The following MARF1 variants were observed in gnomAD, a reference collection of about 807,000 sequenced individuals.
The protein encoded by MARF1 is limkain-b1.
In MARF1, 24 loss-of-function variants were observed where a neutral mutation model predicts 168.2. The ratio of observed to expected loss-of-function variants is 0.14; its 90% CI spans 0.10 to 0.20. MARF1 has a LOEUF of 0.20. Among genes scored for constraint, MARF1 ranks in the 10% least tolerant of loss-of-function variants. The pLI is 1.00. For missense variants in MARF1, 1,744 were observed against 2,143.6 expected, an observed-to-expected ratio of 0.81 and a Z score of 3.68; for synonymous variants, 868 against 822.4, an observed-to-expected ratio of 1.06 and a Z score of -0.95.
At chr16:15,610,951 T>C in intron 19 of MARF1, 24 bp downstream of exon 19, 1 of 1,609,330 alleles carries the variant, frequency 6.2e-7, no homozygotes, top group Non-Finnish European at 8.5e-7. Context: ...ACAATATCCT[T>C]CCAGCAAATG....
rs1286779437 is a variant in MARF1, at chr16:15,609,576, A to G, written c.3901T>C (p.Tyr1301His). 1 of 1,614,230 alleles carries G rather than the reference A, an allele frequency of 6.2e-7. No individual in the cohort carries two copies. ...HFGRQCKLAY[Y>H]GFTKLLELFE... ...AGTTCAAGTAGTTTGGTAAACCCAT[A>G]GTACGCAAGTTTGCACTGCCGGCCA... The change falls in exon 20 of 27, where the codon TAT becomes CAT. Residue 1301 changes from tyrosine (Y) to histidine (H), a missense_variant. Tyr to His is a moderately conservative substitution (Grantham distance 83). Around this residue, in one of 7 missense-constraint regions of MARF1, gnomAD observed 543 missense variants for 742.1 expected, o/e 0.73. Coordinates refer to ENST00000396368, the MANE Select transcript of MARF1 (RefSeq NM_014647.4).
At chr16:15,630,591 AGAAAG>A in intron 6 of MARF1, 87 bp from the exon 7 acceptor site, 1 of 1,230,482 alleles carries the variant, frequency 8.1e-7, no homozygotes, top group Non-Finnish European at 1.1e-6. Flanking sequence ...CCCACTGAGA[AGAAAG>A]GAAAGGCTGG....
chr16:15,598,611 C>G (rs889451475), intron 26 of MARF1, among the ~76,000 whole-genome samples: 2 of 152,026 alleles, frequency 1.3e-5, no homozygotes, highest in Admixed American at 6.5e-5. Context: ...CCCACAGCCC[C>G]GAGCCACCAG....
At chr16:15,608,703 C>G in intron 20 of MARF1, 185 bp from the exon 21 acceptor site, 1 of 601,482 alleles carries the variant, frequency 1.7e-6, no homozygotes, top group Non-Finnish European at 2.9e-6. Context: ...AATGTGCTGA[C>G]CACTACTGGA....
intron 16 of MARF1, among the ~76,000 whole-genome samples, chr16:15,613,938 G>A (rs901602100): frequency 1.3e-5 from 2 of 152,126 alleles, no homozygotes; most frequent in African/African-American, 4.8e-5. Flanking sequence ...GGACAAAGAG[G>A]AGGAAGTATG....
Position 15,641,778 on chromosome 16 carries a change from T to C in MARF1, c.-59+1240A>G, listed in dbSNP as rs530862471. Among the ~76,000 whole-genome samples, 3 of 152,340 alleles carry C rather than the reference T, an allele frequency of 2.0e-5. No individual in the cohort carries two copies. The South Asian group carries it at 6.2e-4, about 32-fold the overall frequency. ...ATTAGGCTTGTTCACCCCTTTCCAC[T>C]ACATCAAGGTGCCTTCAATACTGCT... is the stretch of plus-strand genomic sequence containing the variant. On this transcript the variant is annotated intron_variant, in intron 1 of 26. Coordinates refer to ENST00000396368, the MANE Select transcript of MARF1 (RefSeq NM_014647.4).
At position 15,611,600 on chromosome 16, in the gene MARF1, A is replaced by C; in HGVS notation, c.3609T>G (p.Ala1203=). The change falls in exon 18 of 27, where the codon GCT becomes GCG. Residue 1203 remains alanine, a synonymous_variant. Transcript: ENST00000396368. ...KQVIVREFSQ[A]YHWCFSKDWD... ...TCTTTTCATCAACTCACCAGTGATAAGCCTGTGAGAATTCTCTCACAATGA... is the reference window on the plus strand; with the variant it reads ...TCTTTTCATCAACTCACCAGTGATACGCCTGTGAGAATTCTCTCACAATGA... The C allele has an allele frequency of 6.2e-7, 1 of 1,613,966 alleles. No individual in the cohort carries two copies. The highest frequency in any genetic ancestry group is 1.3e-5 in the African/African-American group (1 of 75,032).
chr16:15,627,202 A>G (rs1362059779), intron 7 of MARF1, among the ~76,000 whole-genome samples: 1 of 151,734 alleles, frequency 6.6e-6, no homozygotes, highest in Non-Finnish European at 1.5e-5. Flanking sequence ...AAATTTTTAA[A>G]AATTGCCAGG....
Position 15,612,549 on chromosome 16 carries a change from C to T in MARF1, c.3474+8G>A, listed in dbSNP as rs746549889. ...CCTGTAAACAAGTAATCCCGTGACA[C>T]GCCTTACCTGCAATACATGAGGCAC... is the stretch of plus-strand genomic sequence containing the variant. On this transcript the variant is annotated splice_region_variant and intron_variant, in intron 17 of 26. Coordinates refer to ENST00000396368, the MANE Select transcript of MARF1 (RefSeq NM_014647.4). 1.1e-5 allele frequency: 18 copies of T among 1,609,700 alleles called. No individual in the cohort carries two copies. Among genetic ancestry groups the T allele is most frequent in the Middle Eastern group, 1.7e-4 (1 of 6,056 alleles).
rs375479252 is a variant in MARF1, at chr16:15,636,246, G to T, written c.241C>A (p.Pro81Thr). 53 of 1,614,054 alleles carry T rather than the reference G, an allele frequency of 3.3e-5. No homozygotes were observed. The highest frequency in any genetic ancestry group is 4.4e-5 in the Non-Finnish European group (52 of 1,180,010). Reference sequence around the variant, plus strand: ...GGCTGCTGAAGAGAACGAATATCAGGAAGTGGGACTGCTGGAAAAAGCTTA... The same window carrying T: ...GGCTGCTGAAGAGAACGAATATCAGTAAGTGGGACTGCTGGAAAAAGCTTA... ...GSKLFPAVPL[P>T]DIRSLQQPKI... is the part of the protein sequence containing the mutation. The change falls in exon 3 of 27, where the codon CCT becomes ACT. Residue 81 changes from proline to threonine, a missense_variant. Coordinates refer to ENST00000396368, the MANE Select transcript of MARF1 (RefSeq NM_014647.4).
At chr16:15,611,533 G>T in intron 18 of MARF1, 59 bp downstream of exon 18, 1 of 1,476,470 alleles carries the variant, frequency 6.8e-7, no homozygotes, top group South Asian at 1.2e-5. Context: ...TTAGAGTTTG[G>T]CAGAAGATAA....
In MARF1 at chr16:15,611,039, A is replaced by G. The variant is rs749875432; in HGVS notation, c.3687T>C (p.Ile1229=). The change falls in exon 19 of 27, where the codon ATT becomes ATC. Residue 1229 remains isoleucine (I), a synonymous_variant. Coordinates refer to ENST00000396368, the MANE Select transcript of MARF1 (RefSeq NM_014647.4). ...VCELIDIVSE[I]PDTTICLSQQ... Reference sequence around the variant, plus strand: ...GGGACAAGCAGATGGTTGTGTCTGGAATCTCTGATACGATGTCAATCAACT... The same window carrying G: ...GGGACAAGCAGATGGTTGTGTCTGGGATCTCTGATACGATGTCAATCAACT... The G allele has an allele frequency of 2.5e-6, 4 of 1,613,794 alleles. No homozygotes were observed. Among genetic ancestry groups the G allele is most frequent in the Non-Finnish European group, 1.7e-6 (2 of 1,179,680 alleles).
chr16:15,633,599 T>A lies in MARF1; in HGVS notation c.1233+18A>T. ...TTCCTCTACTGTAGATTAAAATTAT[T>A]AAATTTTTTTTTTTTACCTGGCAAT... On this transcript the variant is annotated intron_variant, in intron 5 of 26. Coordinates refer to ENST00000396368, the MANE Select transcript of MARF1 (RefSeq NM_014647.4). The A allele has an allele frequency of 6.9e-7, 1 of 1,450,032 alleles. No homozygotes were observed. The highest frequency in any genetic ancestry group is 9.2e-7 in the Non-Finnish European group (1 of 1,084,504). 89.8% of individuals were successfully genotyped at this position (1,450,032 alleles called of 1,614,324 possible).
rs2035552811 is a variant in MARF1 at position 15,635,797 on chromosome 16, T to A, written c.690A>T (p.Thr230=). 1 of 1,614,046 alleles carries A rather than the reference T, an allele frequency of 6.2e-7. No individual in the cohort carries two copies. Among genetic ancestry groups the A allele is most frequent in the African/African-American group, 1.3e-5 (1 of 74,914 alleles). Residue 230 remains threonine (T), a synonymous_variant, in exon 3 of 27, where the codon ACA becomes ACT. Transcript: ENST00000396368. ...CTTCCAAATGCCCTGGAGCCCCGCT[T>A]GTGAAATCAGAACAGGGGAAATAGC... ...SAGYFPCSDF[T]SGAPGHLEEH...
At chr16:15,626,534 A>C (rs992881328) in intron 7 of MARF1, among the ~76,000 whole-genome samples, 5 of 152,230 alleles carry the variant, frequency 3.3e-5, no homozygotes, top group African/African-American at 1.2e-4. Flanking sequence ...TAAGTAAACA[A>C]AAATTTTTTT....
chr16:15,617,062 G>A lies in MARF1; in HGVS notation c.3067C>T (p.Pro1023Ser). The A allele has an allele frequency of 6.2e-7, 1 of 1,612,948 alleles. No individual in the cohort carries two copies. The highest frequency in any genetic ancestry group is 8.5e-7 in the Non-Finnish European group (1 of 1,179,766). The part of the protein sequence containing the change: ...SLLQTHEGTV[P>S]LLSFPDCYIA... ...TTTGAGATGGTTCACCTCAATAAAG[G>A]CACGGTGCCCTCGTGGGTCTGGAGA... The change falls in exon 15 of 27, where the codon CCT becomes TCT. Residue 1023 changes from proline to serine, a missense_variant. This residue lies in a region of MARF1 where 543 missense variants were observed against 742.1 expected (regional missense o/e 0.73). Transcript: ENST00000396368.
rs755276496 is a variant in MARF1, at chr16:15,602,181, T to C, written c.4436A>G (p.Glu1479Gly). ...CAGACTTGTGAGCTTCACACATTCT[T>C]CCATCTTATCATTAGTGAAAACCTG... ...LVEVFTNDKM[E>G]ECVKLTSLYL... The change falls in exon 23 of 27, where the codon GAA (glutamate) becomes GGA (glycine). Residue 1479 changes from glutamate to glycine, a missense_variant. Coordinates refer to ENST00000396368, the MANE Select transcript of MARF1 (RefSeq NM_014647.4). 1 of 1,614,142 alleles carries C rather than the reference T, an allele frequency of 6.2e-7. No homozygotes were observed.
chr16:15,600,829 A>C lies in MARF1; in HGVS notation c.4627-128T>G, dbSNP rs1030776635. On this transcript the variant is annotated intron_variant, in intron 23 of 26. Transcript: ENST00000396368. ...TTTAGGAGCTGAGTTACTGCCAAGAAGCATGTTTCTCTACTCTCTCCTTAG... is the reference window on the plus strand; with the variant it reads ...TTTAGGAGCTGAGTTACTGCCAAGACGCATGTTTCTCTACTCTCTCCTTAG... The C allele has an allele frequency of 6.5e-6, 6 of 918,854 alleles. No homozygotes were observed. In the African/African-American group the frequency reaches 8.2e-5, roughly 13 times the overall value. The allele number at this position is 918,854 out of a possible 1,614,324, so 56.9% of individuals were successfully genotyped here.
At chr16:15,624,954 A>G in intron 9 of MARF1, 27 bp from the exon 10 acceptor site, 1 of 1,613,928 alleles carries the variant, frequency 6.2e-7, no homozygotes, top group Non-Finnish European at 8.5e-7. Flanking sequence ...ATTGAAGGCA[A>G]AAGGTCATAT....
Sources: allele counts gnomAD v4.1 joint callset (sites outside exome capture counted in the v4.1 genomes callset), GRCh38; gene constraint gnomAD v4.1.1; regional missense constraint gnomAD v4.1.1; transcripts MANE v1.5; gene names NCBI Gene and HGNC (gene_info 2026-07-23, HGNC 2026-07-21).